The following KLHL3 variants were observed in gnomAD, a reference collection of about 807,000 sequenced individuals.
The protein encoded by KLHL3 is kelch like family member 3.
A neutral mutation model predicts 70.5 loss-of-function variants in KLHL3; 19 were observed. That is an observed-to-expected ratio of 0.27 (90% CI 0.19 to 0.40). The LOEUF (loss-of-function observed/expected upper bound fraction) is 0.40. Among genes scored for constraint, KLHL3 ranks in the 10% least tolerant of loss-of-function variants. KLHL3 has a pLI of 1.00. For synonymous variants in KLHL3, 258 were observed against 290.3 expected (o/e 0.89, Z 1.13); for missense variants, 512 against 771.1 (o/e 0.66, Z 3.98).
Position 137,622,051 on chromosome 5 carries a change from A to G in KLHL3, c.*47T>C, listed in dbSNP as rs2149874401. 6.2e-7 allele frequency: 1 copy of G among 1,606,398 alleles called. No homozygotes were observed. Among genetic ancestry groups the G allele is most frequent in the East Asian group, 2.2e-5 (1 of 44,848 alleles). ...CCAAGGTCCTGCTGTTCAGAGTCAC[A>G]GGCAGCACCTGCTCCTTCCTCCACC... On this transcript the variant is annotated 3_prime_UTR_variant, in exon 15 of 15. Coordinates refer to ENST00000309755, the MANE Select transcript of KLHL3 (RefSeq NM_017415.3).
intron 11 of KLHL3, among the ~76,000 whole-genome samples, chr5:137,636,689 CA>C (rs1193988086): frequency 6.6e-6 from 1 of 152,094 alleles, no homozygotes; most frequent in African/African-American, 2.4e-5. Context: ...GTTTTGCAAA[CA>C]AAACAAGAGA....
intron 14 of KLHL3, among the ~76,000 whole-genome samples, chr5:137,625,367 C>T (rs546001008): frequency 4.6e-5 from 7 of 152,314 alleles, no homozygotes; most frequent in African/African-American, 1.4e-4. Flanking sequence ...CAATTCGACC[C>T]TGGACAACAA....
chr5:137,658,011 T>C lies in KLHL3; in HGVS notation c.903+120A>G, dbSNP rs1561593860. 4.3e-6 allele frequency: 4 copies of C among 940,372 alleles called. No homozygotes were observed. The East Asian group carries it at 9.8e-5, about 23-fold the overall frequency. The allele number at this position is 940,372 out of a possible 1,614,324, so 58.3% of individuals were successfully genotyped here. A position where few individuals can be genotyped will look rare whatever the true frequency, so the allele number is the denominator to read the frequency against. Reference sequence around the variant, plus strand: ...GAACCAGCAGACTCCATCTCCTAGGTTGTAAATGCAACCAAGATGCAGGGC... The same window carrying C: ...GAACCAGCAGACTCCATCTCCTAGGCTGTAAATGCAACCAAGATGCAGGGC... On this transcript the variant is annotated intron_variant, in intron 8 of 14. Coordinates refer to ENST00000309755, the MANE Select transcript of KLHL3 (RefSeq NM_017415.3).
intron 8 of KLHL3, among the ~76,000 whole-genome samples, chr5:137,647,364 AG>A (rs1298793262): frequency 6.6e-6 from 1 of 152,190 alleles, no homozygotes; most frequent in Non-Finnish European, 1.5e-5. Context: ...GGGACTAGCC[AG>A]GGAAAGGGAC....
rs928773871 is a variant in KLHL3, at chr5:137,628,042, G to A, written c.1591+255C>T. ...TTCCCAGGTCTGTGCTCATCTGTGTGCGGTAAAAGTCATCACCCTTCACTG... is the reference window on the plus strand; with the variant it reads ...TTCCCAGGTCTGTGCTCATCTGTGTACGGTAAAAGTCATCACCCTTCACTG... On this transcript the variant is annotated intron_variant, in intron 13 of 14. Transcript: ENST00000309755. 269 of 493,272 alleles carry A rather than the reference G, an allele frequency of 5.5e-4. 1 individual carries two copies. The highest frequency in any genetic ancestry group is 7.1e-4 in the Non-Finnish European group (194 of 271,594). The allele number at this position is 493,272 out of a possible 1,614,324, so 30.6% of individuals were successfully genotyped here. A position where few individuals can be genotyped will look rare whatever the true frequency, so the allele number is the denominator to read the frequency against.
At chr5:137,721,431 T>A (rs2149935697) in intron 1 of KLHL3, 1 of 152,296 alleles carries the variant, frequency 6.6e-6, no homozygotes, top group African/African-American at 2.4e-5. Context: ...TTAAACAAAG[T>A]AGGACAGAAA....
At chr5:137,635,883 G>A (rs951040902) in intron 11 of KLHL3, among the ~76,000 whole-genome samples, 1 of 152,082 alleles carries the variant, frequency 6.6e-6, no homozygotes, top group African/African-American at 2.4e-5. Context: ...CCACCATTAT[G>A]GCACCTCCTC....
intron 6 of KLHL3, among the ~76,000 whole-genome samples, chr5:137,676,056 G>A (rs1751876973): frequency 6.6e-6 from 1 of 152,150 alleles, no homozygotes; most frequent in South Asian, 2.1e-4. Context: ...GGCAGGAAGG[G>A]TCCTATGCAC....
In KLHL3 at chr5:137,620,150, C is replaced by T. The variant is rs1756353990; in HGVS notation, c.*1948G>A. 1 of 152,230 alleles carries T rather than the reference C, an allele frequency of 6.6e-6. No individual in the cohort carries two copies. The highest frequency in any genetic ancestry group is 6.5e-5 in the Admixed American group (1 of 15,282). The allele number at this position is 152,230 out of a possible 1,614,324, so 9.4% of individuals were successfully genotyped here. A position where few individuals can be genotyped will look rare whatever the true frequency, so the allele number is the denominator to read the frequency against. ...GACCAGAGCACTCAACTAAAACATG[C>T]CTTGCTTCCTTTGGAGACATTTCTT... is the stretch of plus-strand genomic sequence containing the variant. On this transcript the variant is annotated 3_prime_UTR_variant, in exon 15 of 15. Coordinates refer to ENST00000309755, the MANE Select transcript of KLHL3 (RefSeq NM_017415.3).
At chr5:137,703,230 T>C (rs145121470) in intron 3 of KLHL3, among the ~76,000 whole-genome samples, 1 of 152,312 alleles carries the variant, frequency 6.6e-6, no homozygotes, top group Non-Finnish European at 1.5e-5. Flanking sequence ...TGCTCCTAAC[T>C]TGAATTAGTA....
At position 137,622,133 on chromosome 5, in the gene KLHL3, A is replaced by G; in HGVS notation, c.1736-7T>C. 1 of 1,614,216 alleles carries G rather than the reference A, an allele frequency of 6.2e-7. No homozygotes were observed. Among genetic ancestry groups the G allele is most frequent in the South Asian group, 1.1e-5 (1 of 91,088 alleles). On this transcript the variant is annotated splice_region_variant and splice_polypyrimidine_tract_variant and intron_variant, in intron 14 of 14. Coordinates refer to ENST00000309755, the MANE Select transcript of KLHL3 (RefSeq NM_017415.3). ...TTGTGAATCACGGCAACACCTAATA[A>G]GAAAGGGGGAGAAAGTTATCATCTT...
chr5:137,701,288 T>A (rs974923624), intron 3 of KLHL3, among the ~76,000 whole-genome samples: 1 of 152,176 alleles, frequency 6.6e-6, no homozygotes, highest in South Asian at 2.1e-4. Context: ...CCTCAGACGA[T>A]CTGTCCTCCT....
rs1449967943 is a variant in KLHL3, at chr5:137,714,542, AG to A, written c.135-4687del. On this transcript the variant is annotated intron_variant, in intron 2 of 14. Coordinates refer to ENST00000309755, the MANE Select transcript of KLHL3 (RefSeq NM_017415.3). ...CTAAATGAAAGAAGCCAGATACAAAAGGCTACCTATTGTATGATTTTAAAAC... is the reference window on the plus strand; with the variant it reads ...CTAAATGAAAGAAGCCAGATACAAAAGCTACCTATTGTATGATTTTAAAAC... 2.0e-4 allele frequency among the ~76,000 whole-genome samples: 30 copies of A among 152,342 alleles called. 1 individual carries two copies. The highest frequency in any genetic ancestry group is 6.5e-4 in the Admixed American group (10 of 15,308).
At chr5:137,707,612 GTAA>G (rs1161505490) in intron 3 of KLHL3, 1 of 154,290 alleles carries the variant, frequency 6.5e-6, no homozygotes, top group Non-Finnish European at 1.5e-5. Context: ...GTTTTTACCT[GTAA>G]TAAACACATG....
At chr5:137,717,513 C>T (rs1034291752) in intron 2 of KLHL3, among the ~76,000 whole-genome samples, 1 of 152,146 alleles carries the variant, frequency 6.6e-6, no homozygotes, top group Non-Finnish European at 1.5e-5. Context: ...CTGGGCCACA[C>T]GAGTGAAACT....
chr5:137,667,330 C>T (rs969348512), intron 6 of KLHL3, among the ~76,000 whole-genome samples: 2 of 152,140 alleles, frequency 1.3e-5, no homozygotes, highest in Non-Finnish European at 2.9e-5. Flanking sequence ...ATCTACTTAG[C>T]TACTACTTTT....
intron 8 of KLHL3, among the ~76,000 whole-genome samples, chr5:137,648,671 G>A (rs146078753): frequency 1.3e-5 from 2 of 152,290 alleles, no homozygotes; most frequent in Admixed American, 1.3e-4. Flanking sequence ...ATATGGCTCA[G>A]GAAAAACACC....
At chr5:137,644,424 T>C (rs187245815) in intron 8 of KLHL3, among the ~76,000 whole-genome samples, 10 of 152,348 alleles carry the variant, frequency 6.6e-5, no homozygotes, top group Admixed American at 5.9e-4. Context: ...CATCTGTTGA[T>C]GGGCACTTAG....
intron 3 of KLHL3, among the ~76,000 whole-genome samples, chr5:137,707,050 A>G (rs2149927805): frequency 6.6e-6 from 1 of 152,358 alleles, no homozygotes; most frequent in Non-Finnish European, 1.5e-5. Context: ...GCAGTAATGA[A>G]GGATGAACGG....
Sources: gnomAD v4.1 joint callset for allele counts (sites outside exome capture counted in the v4.1 genomes callset) on GRCh38, gnomAD v4.1.1 for gene constraint, MANE v1.5 for transcripts, NCBI Gene and HGNC (gene_info 2026-07-23, HGNC 2026-07-21) for gene names.